The following ERGIC1 variants were observed in gnomAD, a reference collection of about 807,000 sequenced individuals.
ERGIC1 encodes the protein endoplasmic reticulum-golgi intermediate compartment 1, also known as endoplasmic reticulum-Golgi intermediate compartment protein 1.
In ERGIC1, 19 loss-of-function variants were observed where a neutral mutation model predicts 38.3. That is an observed-to-expected ratio of 0.50 (90% CI 0.35 to 0.73). The LOEUF (loss-of-function observed/expected upper bound fraction) is 0.73. ERGIC1 is among the 30% of genes least tolerant of loss of function. The probability of loss-of-function intolerance (pLI) is 0.01; values close to 1 mark genes in which losing one functional copy is unlikely to be tolerated. For missense variants in ERGIC1, 294 were observed against 389.2 expected, an observed-to-expected ratio of 0.76 and a Z score of 2.06; for synonymous variants, 124 against 157.6, an observed-to-expected ratio of 0.79 and a Z score of 1.60.
chr5:172,863,816 G>A (rs988175009), intron 1 of ERGIC1, among the ~76,000 whole-genome samples: 16 of 152,210 alleles, frequency 1.1e-4, no homozygotes, highest in African/African-American at 3.9e-4. Flanking sequence ...ACTGCATGTG[G>A]CTCAACAGGC....
At chr5:172,903,763 G>A (rs956288523) in intron 3 of ERGIC1, among the ~76,000 whole-genome samples, 1 of 152,102 alleles carries the variant, frequency 6.6e-6, no homozygotes, top group African/African-American at 2.4e-5. Flanking sequence ...TTACATCTGG[G>A]GAAACTGATG....
Position 172,935,205 on chromosome 5 carries a change from C to G in ERGIC1, c.660C>G (p.Ser220Arg). The G allele has an allele frequency of 6.2e-7, 1 of 1,614,176 alleles. No homozygotes were observed. The highest frequency in any genetic ancestry group is 2.2e-5 in the East Asian group (1 of 44,880). Reference protein sequence around the residue: ...TVANKEYVAYSHTGRIIPAIW... With the variant: ...TVANKEYVAYRHTGRIIPAIW... The stretch of plus-strand genomic sequence containing the variant: ...TACCCCAGGAATACGTCGCCTACAG[C>G]CACACGGGCCGCATCATCCCTGCAA... The change falls in exon 9 of 10, where the codon AGC becomes AGG. Residue 220 changes from serine to arginine, a missense_variant. Physicochemically the swap from Ser to Arg is moderately radical, Grantham distance 110. This residue lies in a region of ERGIC1 where 109 missense variants were observed against 112.7 expected (regional missense o/e 0.97). Coordinates refer to ENST00000393784, the MANE Select transcript of ERGIC1 (RefSeq NM_001031711.3).
At chr5:172,875,685 CT>C (rs1762126806) in intron 1 of ERGIC1, among the ~76,000 whole-genome samples, 1 of 152,132 alleles carries the variant, frequency 6.6e-6, no homozygotes, top group South Asian at 2.1e-4. Flanking sequence ...GCTCAAACTC[CT>C]GTGCTCAAGT....
chr5:172,835,993 C>T (rs950201882), intron 1 of ERGIC1, among the ~76,000 whole-genome samples: 10 of 152,298 alleles, frequency 6.6e-5, no homozygotes, highest in African/African-American at 2.4e-4. Context: ...CATAGGGATT[C>T]GTGCCACCGC....
chr5:172,894,361 A>T (rs1762669111), intron 2 of ERGIC1, among the ~76,000 whole-genome samples: 1 of 151,290 alleles, frequency 6.6e-6, no homozygotes, highest in African/African-American at 2.4e-5. Flanking sequence ...ACACCTGGCT[A>T]ATTTTTGTAT....
intron 7 of ERGIC1, among the ~76,000 whole-genome samples, chr5:172,928,310 T>C (rs932253466): frequency 2.0e-5 from 3 of 152,170 alleles, no homozygotes; most frequent in African/African-American, 7.2e-5. Flanking sequence ...GATCAAGCAA[T>C]GGACAGCTGG....
chr5:172,942,929 T>C (rs1308160285), intron 9 of ERGIC1, among the ~76,000 whole-genome samples: 1 of 152,178 alleles, frequency 6.6e-6, no homozygotes. Context: ...ACAGATTCCC[T>C]GCATGGAAGC....
chr5:172,924,029 A>G lies in ERGIC1; in HGVS notation c.400A>G (p.Thr134Ala). ...GGTCCCCGGCAACTTCCACGTGTCC[A>G]CACACAGTGCCACAGCCCAGCCACA... ...NKVPGNFHVS[T>A]HSATAQPQNP... The change falls in exon 6 of 10, where the codon ACA becomes GCA. Residue 134 changes from threonine to alanine, a missense_variant. Thr to Ala is a moderately conservative substitution (Grantham distance 58). Coordinates refer to ENST00000393784, the MANE Select transcript of ERGIC1 (RefSeq NM_001031711.3). The G allele has an allele frequency of 6.2e-7, 1 of 1,614,194 alleles. No individual in the cohort carries two copies. Among genetic ancestry groups the G allele is most frequent in the Admixed American group, 1.7e-5 (1 of 60,032 alleles).
chr5:172,878,277 A>C (rs1206694254), intron 1 of ERGIC1, among the ~76,000 whole-genome samples: 1 of 152,148 alleles, frequency 6.6e-6, no homozygotes, highest in Non-Finnish European at 1.5e-5. Context: ...GTAGACCAGG[A>C]GTCGTCACCC....
chr5:172,907,391 C>G (rs1346644301), intron 3 of ERGIC1, among the ~76,000 whole-genome samples: 1 of 152,158 alleles, frequency 6.6e-6, no homozygotes, highest in Non-Finnish European at 1.5e-5. Flanking sequence ...AACCCCACCT[C>G]TACTAAAAAT....
At chr5:172,945,554 C>T (rs965135185) in intron 9 of ERGIC1, among the ~76,000 whole-genome samples, 1 of 152,112 alleles carries the variant, frequency 6.6e-6, no homozygotes, top group Non-Finnish European at 1.5e-5. Context: ...CATTTCTTGG[C>T]CATAAGGTTA....
At chr5:172,906,973 A>G (rs1293427028) in intron 3 of ERGIC1, among the ~76,000 whole-genome samples, 3 of 152,128 alleles carry the variant, frequency 2.0e-5, no homozygotes, top group Non-Finnish European at 4.4e-5. Context: ...TCCTCTTCCA[A>G]GGGCTCTCAG....
At chr5:172,893,867 G>GGA (rs1762630156) in intron 2 of ERGIC1, among the ~76,000 whole-genome samples, 3 of 56,000 alleles carry the variant, frequency 5.4e-5, no homozygotes, top group Non-Finnish European at 1.1e-4. Flanking sequence ...TCACTTAGGG[G>GGA]GATATATATA....
intron 1 of ERGIC1, among the ~76,000 whole-genome samples, chr5:172,865,020 A>T (rs1450122103): frequency 1.3e-5 from 2 of 150,778 alleles, no homozygotes; most frequent in Non-Finnish European, 2.9e-5. Flanking sequence ...AAATGAAGGA[A>T]TCAAATATCA....
chr5:172,852,924 G>A (rs750762842), intron 1 of ERGIC1, among the ~76,000 whole-genome samples: 3 of 152,236 alleles, frequency 2.0e-5, no homozygotes, highest in Non-Finnish European at 2.9e-5. Flanking sequence ...CATGGGTGAC[G>A]GTGTCACAGC....
intron 8 of ERGIC1, chr5:172,934,715 G>A: frequency 4.9e-6 from 1 of 204,020 alleles, no homozygotes; most frequent in South Asian, 8.7e-5. Flanking sequence ...ATATTCTTAT[G>A]TCTTCCTCCT....
chr5:172,881,065 A>G (rs902968314), intron 1 of ERGIC1, among the ~76,000 whole-genome samples: 1 of 152,180 alleles, frequency 6.6e-6, no homozygotes, highest in South Asian at 2.1e-4. Context: ...CCTGACCAAC[A>G]TGGAGAAACC....
At chr5:172,840,928 C>T (rs547521581) in intron 1 of ERGIC1, among the ~76,000 whole-genome samples, 23 of 152,274 alleles carry the variant, frequency 1.5e-4, no homozygotes, top group African/African-American at 4.3e-4. Context: ...CCCTCCATGC[C>T]GCACTGGCTG....
chr5:172,908,305 GC>G (rs1178674922), intron 3 of ERGIC1, among the ~76,000 whole-genome samples: 11 of 5,242 alleles, frequency 2.1e-3, no homozygotes, highest in Non-Finnish European at 4.6e-3. Flanking sequence ...TGAGGCGGGG[GC>G]GGGGGGGGGG....
Sources: gnomAD v4.1 joint callset for allele counts (sites outside exome capture counted in the v4.1 genomes callset) on GRCh38, gnomAD v4.1.1 for gene constraint, gnomAD v4.1.1 regional missense constraint, MANE v1.5 for transcripts, NCBI Gene and HGNC (gene_info 2026-07-23, HGNC 2026-07-21) for gene names.